The following DRC4 variants were observed in gnomAD, a reference collection of about 807,000 sequenced individuals.
DRC4 encodes the protein dynein regulatory complex subunit 4, also known as GAS-11.
At chr16:90,026,541 G>C in the DRC4 span, among the ~76,000 whole-genome samples, 1 of 152,186 alleles carries the variant, frequency 6.6e-6, no homozygotes, top group Non-Finnish European at 1.5e-5. Context: ...GTGTCTTGCA[G>C]GTCTTTTCCA....
chr16:90,029,384 C>T, the DRC4 span: 1 of 1,110,676 alleles, frequency 9.0e-7, no homozygotes, highest in Non-Finnish European at 1.2e-6. Context: ...GAGTTCAGTG[C>T]TGTTTTTTTC....
At chr16:90,039,630 A>G in the DRC4 span, 1 of 153,226 alleles carries the variant, frequency 6.5e-6, no homozygotes, top group Non-Finnish European at 1.5e-5. Flanking sequence ...CAGGCGATCC[A>G]CCCACCTCAC....
chr16:90,021,329 T>G, the DRC4 span, among the ~76,000 whole-genome samples: 19 of 152,264 alleles, frequency 1.2e-4, no homozygotes, highest in East Asian at 3.3e-3. Flanking sequence ...TTCTCACACT[T>G]TGCCCCCAGC....
At chr16:90,027,807 C>A in the DRC4 span, 1 of 1,233,478 alleles carries the variant, frequency 8.1e-7, no homozygotes, top group Non-Finnish European at 1.2e-6. Context: ...TCCATCTTGC[C>A]ATGTGGATCC....
At chr16:90,043,164 C>T in the DRC4 span, 10 of 1,588,018 alleles carry the variant, frequency 6.3e-6, no homozygotes, top group Middle Eastern at 5.0e-4. Context: ...CGTGGGGACC[C>T]TCAGCTCCCT....
the DRC4 span, among the ~76,000 whole-genome samples, chr16:90,042,114 A>G: frequency 6.6e-6 from 1 of 151,884 alleles, no homozygotes; most frequent in African/African-American, 2.4e-5. Context: ...TACTTTTCGT[A>G]TAGTAGAGAC....
the DRC4 span, chr16:90,036,595 C>T: frequency 7.7e-6 from 12 of 1,562,890 alleles, no homozygotes; most frequent in Middle Eastern, 1.7e-4. Context: ...AGGTGCTGTG[C>T]GTGGGCTGGG....
chr16:90,030,127 T>C, the DRC4 span, among the ~76,000 whole-genome samples: 2 of 152,290 alleles, frequency 1.3e-5, no homozygotes, highest in African/African-American at 2.4e-5. Context: ...TTTTAACCTA[T>C]TTGCAGATTC....
At chr16:90,040,259 G>A in the DRC4 span, 1 of 1,538,208 alleles carries the variant, frequency 6.5e-7, no homozygotes, top group Non-Finnish European at 8.8e-7. Context: ...ATGTCCCCAG[G>A]TGAGGGGCCT....
the DRC4 span, chr16:90,043,138 C>T: frequency 6.4e-7 from 1 of 1,559,666 alleles, no homozygotes; most frequent in Non-Finnish European, 8.7e-7. Flanking sequence ...CTGCACTCAG[C>T]TCTGGTGGTC....
the DRC4 span, chr16:90,037,504 G>C: frequency 3.9e-6 from 5 of 1,288,766 alleles, no homozygotes; most frequent in Non-Finnish European, 5.3e-6. Flanking sequence ...CAGGAAGGGA[G>C]ACGGGGAGGC....
the DRC4 span, among the ~76,000 whole-genome samples, chr16:90,022,943 C>G: frequency 6.6e-6 from 1 of 152,142 alleles, no homozygotes; most frequent in Admixed American, 6.5e-5. Flanking sequence ...CCTGGGCTGT[C>G]CAGAGCCCTG....
the DRC4 span, chr16:90,029,696 C>G: frequency 4.9e-6 from 1 of 204,096 alleles, no homozygotes; most frequent in Non-Finnish European, 1.1e-5. Context: ...AATGTGTTTT[C>G]CCTGTGGGGA....
chr16:90,031,309 A>C, the DRC4 span: 1 of 1,612,592 alleles, frequency 6.2e-7, no homozygotes, highest in African/African-American at 1.3e-5. Flanking sequence ...GTGGAGGAGC[A>C]TGTCAGCCGC....
the DRC4 span, chr16:90,037,523 C>A: frequency 8.6e-7 from 1 of 1,158,272 alleles, no homozygotes; most frequent in Non-Finnish European, 1.2e-6. Flanking sequence ...GCCTGCATTT[C>A]TCCTTTCTCT....
the DRC4 span, among the ~76,000 whole-genome samples, chr16:90,023,411 G>C: frequency 2.0e-5 from 3 of 152,194 alleles, no homozygotes; most frequent in Admixed American, 2.0e-4. Flanking sequence ...TTGTGGTACA[G>C]GAATTGTCAG....
the DRC4 span, chr16:90,040,132 C>G: frequency 1.5e-6 from 1 of 665,478 alleles, no homozygotes; most frequent in Non-Finnish European, 2.7e-6. Context: ...CTACAAAGGG[C>G]CAGGGCGCAG....
At chr16:90,029,853 T>A in the DRC4 span, 2 of 165,566 alleles carry the variant, frequency 1.2e-5, no homozygotes, top group South Asian at 1.9e-4. Context: ...ACCTCCTGGG[T>A]TCACACCATC....
the DRC4 span, among the ~76,000 whole-genome samples, chr16:90,025,261 C>G: frequency 6.6e-6 from 1 of 150,718 alleles, no homozygotes; most frequent in Non-Finnish European, 1.5e-5. Flanking sequence ...TCAAGTGATC[C>G]GCCCGCCTCA....
Sources: gnomAD v4.1 joint callset for allele counts (sites outside exome capture counted in the v4.1 genomes callset) on GRCh38, gnomAD v4.1.1 for gene constraint, MANE v1.5 for transcripts, NCBI Gene and HGNC (gene_info 2026-07-23, HGNC 2026-07-21) for gene names.